NAALADL2: variants seen among roughly 807,000 people sequenced by gnomAD.
NAALADL2 encodes N-acetylated alpha-linked acidic dipeptidase like 2, also known as inactive N-acetylated-alpha-linked acidic dipeptidase-like protein 2.
NAALADL2 carries 76 observed loss-of-function variants against 87.2 expected under a neutral mutation model. That is an observed-to-expected ratio of 0.87 (90% CI 0.72 to 1.05). NAALADL2 has a LOEUF of 1.05. NAALADL2 is among the 50% of genes least tolerant of loss of function. The pLI, the probability that NAALADL2 is intolerant of heterozygous loss-of-function variation, is 0.00. For missense variants in NAALADL2, 1,089 were observed against 945.8 expected, an observed-to-expected ratio of 1.15 and a Z score of -1.99; for synonymous variants, 354 against 331.0, an observed-to-expected ratio of 1.07 and a Z score of -0.75.
chr3:175,315,601 T>A (rs540999288), intron 4 of NAALADL2, among the ~76,000 whole-genome samples: 1 of 152,208 alleles, frequency 6.6e-6, no homozygotes, highest in Non-Finnish European at 1.5e-5. Context: ...TAACCCTGTA[T>A]GATTATGCAA....
intron 1 of NAALADL2, among the ~76,000 whole-genome samples, chr3:174,965,633 G>T (rs1402835923): frequency 6.6e-6 from 1 of 152,080 alleles, no homozygotes; most frequent in East Asian, 1.9e-4. Flanking sequence ...GTGCTTATAT[G>T]AAGGAAAAAA....
chr3:175,096,978 G>A lies in NAALADL2; in HGVS notation c.232G>A (p.Glu78Lys), dbSNP rs1330958789. The A allele has an allele frequency of 2.5e-6, 4 of 1,613,258 alleles. No homozygotes were observed. The highest frequency in any genetic ancestry group is 2.7e-5 in the African/African-American group (2 of 74,862). Residue 78 changes from glutamate to lysine, a missense_variant, in exon 2 of 14, where the codon GAG becomes AAG. Physicochemically the swap from Glu to Lys is moderately conservative, Grantham distance 56. Coordinates refer to ENST00000454872, the MANE Select transcript of NAALADL2 (RefSeq NM_207015.3). ...GAENQNLGHS[E>K]TIDLNLDSIQ... Reference sequence around the variant, plus strand: ...TGAGAATCAGAACCTAGGGCATTCAGAGACTATAGACCTCAATCTTGATTC... The same window carrying A: ...TGAGAATCAGAACCTAGGGCATTCAAAGACTATAGACCTCAATCTTGATTC...
rs1458025120 is a variant in NAALADL2, at chr3:175,471,722, T to C, written c.1617T>C (p.Pro539=). The C allele has an allele frequency of 6.2e-7, 1 of 1,608,364 alleles. No individual in the cohort carries two copies. The highest frequency in any genetic ancestry group is 8.5e-7 in the Non-Finnish European group (1 of 1,176,794). Residue 539 remains proline (P), a synonymous_variant, in exon 9 of 14, where the codon CCT becomes CCC. Coordinates refer to ENST00000454872, the MANE Select transcript of NAALADL2 (RefSeq NM_207015.3). ...TAAGGGGGAACTCTAGTCTGTATCCTGTAGCATCACCATCTCTTCAGCAAC... is the reference window on the plus strand; with the variant it reads ...TAAGGGGGAACTCTAGTCTGTATCCCGTAGCATCACCATCTCTTCAGCAAC... ...SPIRGNSSLY[P]VASPSLQQLV...
intron 9 of NAALADL2, among the ~76,000 whole-genome samples, chr3:175,564,682 T>C (rs2149523850): frequency 6.6e-6 from 1 of 152,346 alleles, no homozygotes; most frequent in Middle Eastern, 3.4e-3. Flanking sequence ...ATAAAATCTA[T>C]ATCTTGATTC....
chr3:175,402,790 C>T (rs777010392), intron 5 of NAALADL2, among the ~76,000 whole-genome samples: 2 of 152,032 alleles, frequency 1.3e-5, no homozygotes, highest in Non-Finnish European at 2.9e-5. Flanking sequence ...AAAAAATTGG[C>T]TCCCTCTCTG....
intron 4 of NAALADL2, among the ~76,000 whole-genome samples, chr3:175,290,162 A>G (rs1056116851): frequency 1.3e-5 from 2 of 152,212 alleles, no homozygotes; most frequent in Non-Finnish European, 2.9e-5. Context: ...TTTTAAAAGT[A>G]AACCTACTGT....
At chr3:175,641,635 AAACATGAGGC>A (rs1729302794) in intron 11 of NAALADL2, among the ~76,000 whole-genome samples, 1 of 152,218 alleles carries the variant, frequency 6.6e-6, no homozygotes, top group South Asian at 2.1e-4. Flanking sequence ...GCATAAAAGT[AAACATGAGGC>A]AACATGTCAT....
intron 4 of NAALADL2, among the ~76,000 whole-genome samples, chr3:175,317,671 A>G (rs530431452): frequency 7.6e-4 from 116 of 152,296 alleles, no homozygotes; most frequent in African/African-American, 2.6e-3. Flanking sequence ...AGTTTTTCAC[A>G]ACAAGTAATT....
chr3:175,436,815 A>T (rs1423520520), intron 5 of NAALADL2, among the ~76,000 whole-genome samples: 1 of 78,858 alleles, frequency 1.3e-5, no homozygotes, highest in African/African-American at 5.0e-5. Flanking sequence ...GTTCACTCTG[A>T]TGGTAGTTTC....
intron 1 of NAALADL2, among the ~76,000 whole-genome samples, chr3:174,938,145 T>G (rs1045671749): frequency 6.6e-6 from 1 of 152,014 alleles, no homozygotes; most frequent in African/African-American, 2.4e-5. Flanking sequence ...CAGTTTGCAA[T>G]AGTTACCTTT....
intron 1 of NAALADL2, among the ~76,000 whole-genome samples, chr3:174,481,169 A>G (rs1468590090): frequency 3.9e-5 from 6 of 152,136 alleles, no homozygotes; most frequent in Non-Finnish European, 8.8e-5. Flanking sequence ...TAGTAGGTAA[A>G]CTTGGCTGGA....
chr3:175,549,233 C>G (rs375249162), intron 9 of NAALADL2, among the ~76,000 whole-genome samples: 29 of 151,880 alleles, frequency 1.9e-4, no homozygotes, highest in African/African-American at 6.5e-4. Context: ...AATACACCAC[C>G]CTTTTTGTTT....
chr3:175,266,114 A>G (rs1030617166), intron 4 of NAALADL2, among the ~76,000 whole-genome samples: 3 of 150,808 alleles, frequency 2.0e-5, no homozygotes, highest in East Asian at 2.0e-4. Flanking sequence ...CATTAAGTCT[A>G]TGTAATTTTA....
chr3:175,538,426 A>G (rs1711660888), intron 9 of NAALADL2, among the ~76,000 whole-genome samples: 1 of 152,114 alleles, frequency 6.6e-6, no homozygotes, highest in African/African-American at 2.4e-5. Context: ...GAAAGGCTCT[A>G]GATTACCAAT....
chr3:174,640,818 A>T (rs544084659), intron 2 of NAALADL2, among the ~76,000 whole-genome samples: 505 of 152,274 alleles, frequency 3.3e-3, no homozygotes, highest in Non-Finnish European at 5.8e-3. Context: ...AAAGCCTGGG[A>T]TGATTTAGTT....
At chr3:175,134,389 T>A (rs926329731) in intron 2 of NAALADL2, among the ~76,000 whole-genome samples, 8 of 152,164 alleles carry the variant, frequency 5.3e-5, no homozygotes, top group African/African-American at 1.9e-4. Context: ...ACATAATCCA[T>A]ACATTTACTT....
chr3:175,002,852 A>C (rs572996796), intron 1 of NAALADL2, among the ~76,000 whole-genome samples: 42 of 152,302 alleles, frequency 2.8e-4, no homozygotes, highest in African/African-American at 1.0e-3. Context: ...GATGCCAAGG[A>C]CAGAATAACT....
At chr3:175,036,116 T>C (rs1753376544) in intron 1 of NAALADL2, among the ~76,000 whole-genome samples, 1 of 152,194 alleles carries the variant, frequency 6.6e-6, no homozygotes. Context: ...CTAGTTGAAG[T>C]AAATGTTAAA....
At chr3:174,690,219 A>G (rs563209821) in intron 2 of NAALADL2, among the ~76,000 whole-genome samples, 1 of 152,310 alleles carries the variant, frequency 6.6e-6, no homozygotes, top group South Asian at 2.1e-4. Flanking sequence ...CAAAACTATA[A>G]GCAACAATTT....
Sources: allele counts gnomAD v4.1 joint callset (sites outside exome capture counted in the v4.1 genomes callset), GRCh38; gene constraint gnomAD v4.1.1; transcripts MANE v1.5; gene names NCBI Gene and HGNC (gene_info 2026-07-23, HGNC 2026-07-21).